ERC2: variants seen among roughly 807,000 people sequenced by gnomAD.
ERC2 encodes the protein ELKS/RAB6-interacting/CAST family member 2.
Under a neutral mutation model 114.8 loss-of-function variants are expected in ERC2, and 42 were observed. The ratio of observed to expected loss-of-function variants is 0.37; its 90% CI spans 0.29 to 0.47. The LOEUF is 0.47. Ranked by LOEUF, ERC2 falls within the 20% of genes least tolerant of loss-of-function variation. ERC2 has a pLI of 0.99. For missense variants in ERC2, 939 were observed against 1,150.7 expected (o/e 0.82, Z 2.66); for synonymous variants, 454 against 425.5 (o/e 1.07, Z -0.82).
At chr3:56,200,038 G>A (rs2048321955) in intron 3 of ERC2, among the ~76,000 whole-genome samples, 2 of 151,312 alleles carry the variant, frequency 1.3e-5, no homozygotes, top group Admixed American at 6.6e-5. Flanking sequence ...AATCAAAGAT[G>A]ATTTCTAAGT....
At chr3:56,307,020 G>A (rs1384465204) in intron 2 of ERC2, among the ~76,000 whole-genome samples, 4 of 152,216 alleles carry the variant, frequency 2.6e-5, no homozygotes, top group African/African-American at 9.6e-5. Flanking sequence ...CACCCTGCAT[G>A]GTTGAATCAG....
chr3:55,904,748 C>G (rs944097418), intron 13 of ERC2, among the ~76,000 whole-genome samples: 1 of 152,106 alleles, frequency 6.6e-6, no homozygotes. Flanking sequence ...GCCATGTGAA[C>G]TCCTCAACAC....
intron 6 of ERC2, among the ~76,000 whole-genome samples, chr3:56,094,073 A>AT (rs1339590800): frequency 6.6e-6 from 1 of 152,170 alleles, no homozygotes; most frequent in African/African-American, 2.4e-5. Context: ...CCCCACATCT[A>AT]TTTTTTCCCA....
chr3:55,862,300 C>T (rs1261174450), intron 14 of ERC2, among the ~76,000 whole-genome samples: 1 of 152,066 alleles, frequency 6.6e-6, no homozygotes. Flanking sequence ...CTGAGAGAAG[C>T]CATATGACCC....
chr3:55,990,237 C>CA lies in ERC2; in HGVS notation c.2255+1819dup, dbSNP rs200279404. ...AGGATTCTATTTGGGATAGTTACCT[C>CA]AAAAAAAAATGAAATCCTTGACTTT... On this transcript the variant is annotated intron_variant, in intron 11 of 17. Coordinates refer to ENST00000288221, the MANE Select transcript of ERC2 (RefSeq NM_015576.3). Among the ~76,000 whole-genome samples the CA allele has an allele frequency of 5.3e-4, 79 of 149,338 alleles. No individual in the cohort carries two copies. In the Middle Eastern group the frequency reaches 0.017, roughly 32 times the overall value.
intron 17 of ERC2, among the ~76,000 whole-genome samples, chr3:55,667,376 T>A (rs1487512815): frequency 1.3e-5 from 2 of 152,230 alleles, no homozygotes; most frequent in Non-Finnish European, 2.9e-5. Flanking sequence ...TTAAAAAGAT[T>A]CCAGAGGGAA....
At chr3:55,869,477 T>C (rs140250414) in intron 14 of ERC2, among the ~76,000 whole-genome samples, 1 of 152,344 alleles carries the variant, frequency 6.6e-6, no homozygotes, top group East Asian at 1.9e-4. Context: ...ACCATTTGAA[T>C]ATTTTTTTGA....
intron 3 of ERC2, among the ~76,000 whole-genome samples, chr3:56,188,427 G>A (rs2083766919): frequency 6.6e-6 from 1 of 152,068 alleles, no homozygotes; most frequent in Non-Finnish European, 1.5e-5. Flanking sequence ...AATCAACAGC[G>A]TGTTCCCTAC....
chr3:55,634,058 C>T (rs1575853277), intron 17 of ERC2, among the ~76,000 whole-genome samples: 2 of 152,284 alleles, frequency 1.3e-5, no homozygotes, highest in African/African-American at 4.8e-5. Flanking sequence ...TCAAATGCAG[C>T]AGAGACCTCT....
chr3:56,244,030 G>T (rs1335722390), intron 3 of ERC2, among the ~76,000 whole-genome samples: 1 of 152,096 alleles, frequency 6.6e-6, no homozygotes, highest in Admixed American at 6.5e-5. Context: ...CTACTGTAAA[G>T]ATACTTATAA....
At chr3:55,750,312 T>C (rs2066609612) in intron 14 of ERC2, among the ~76,000 whole-genome samples, 1 of 152,222 alleles carries the variant, frequency 6.6e-6, no homozygotes, top group Non-Finnish European at 1.5e-5. Context: ...AGTACGTTGT[T>C]TCATTTAGTC....
chr3:55,881,994 C>T (rs1000415400), intron 14 of ERC2, among the ~76,000 whole-genome samples: 2 of 152,286 alleles, frequency 1.3e-5, no homozygotes, highest in Admixed American at 6.5e-5. Flanking sequence ...AAAGACCAGA[C>T]TGAAGAAGGG....
intron 7 of ERC2, among the ~76,000 whole-genome samples, chr3:56,034,821 A>G (rs968937393): frequency 6.6e-6 from 1 of 152,102 alleles, no homozygotes; most frequent in Admixed American, 6.5e-5. Context: ...ACATGGCAAA[A>G]GCAGTTTTAA....
intron 10 of ERC2, among the ~76,000 whole-genome samples, chr3:56,000,578 T>C (rs918207713): frequency 1.3e-5 from 2 of 151,906 alleles, no homozygotes; most frequent in African/African-American, 4.8e-5. Flanking sequence ...AAAGAAAAGT[T>C]AAAAAGGCAA....
chr3:55,769,112 C>T (rs1054700260), intron 14 of ERC2, among the ~76,000 whole-genome samples: 33 of 152,148 alleles, frequency 2.2e-4, no homozygotes, highest in Non-Finnish European at 2.2e-4. Context: ...ACTGCTATCT[C>T]GCTTGGAGGC....
intron 17 of ERC2, chr3:55,607,875 T>C (rs1213781380): frequency 6.6e-6 from 1 of 152,106 alleles, no homozygotes; most frequent in African/African-American, 2.4e-5. Flanking sequence ...CTTCTTACCC[T>C]TGGTGTTGAC....
intron 17 of ERC2, among the ~76,000 whole-genome samples, chr3:55,625,846 A>G (rs1470020800): frequency 6.6e-6 from 1 of 152,210 alleles, no homozygotes; most frequent in African/African-American, 2.4e-5. Flanking sequence ...AAAGACTTAA[A>G]CCGAAGTGAA....
chr3:56,032,719 C>A (rs2074442543), intron 7 of ERC2, among the ~76,000 whole-genome samples: 1 of 151,742 alleles, frequency 6.6e-6, no homozygotes, highest in African/African-American at 2.4e-5. Context: ...CCCAACCAGG[C>A]ACTGTGGTGT....
intron 10 of ERC2, among the ~76,000 whole-genome samples, chr3:55,995,721 C>T (rs1183993956): frequency 6.6e-6 from 1 of 152,138 alleles, no homozygotes; most frequent in African/African-American, 2.4e-5. Context: ...ATAACCAGCT[C>T]TATTCAGCCT....
Sources: allele counts gnomAD v4.1 joint callset (sites outside exome capture counted in the v4.1 genomes callset), GRCh38; gene constraint gnomAD v4.1.1; transcripts MANE v1.5; gene names NCBI Gene and HGNC (gene_info 2026-07-23, HGNC 2026-07-21).